The following GUCY2F variants were observed in gnomAD, a reference collection of about 807,000 sequenced individuals.
GUCY2F encodes retinal guanylyl cyclase 2.
A neutral mutation model predicts 73.1 loss-of-function variants in GUCY2F; 61 were observed. The observed-to-expected ratio is 0.83, with a 90% CI of 0.68 to 1.03. GUCY2F has a LOEUF of 1.03. Among genes scored for constraint, GUCY2F ranks in the 50% least tolerant of loss-of-function variants. GUCY2F has a pLI of 0.00. For missense variants in GUCY2F, 912 were observed against 854.3 expected (o/e 1.07, Z -0.84); for synonymous variants, 331 against 307.8 (o/e 1.08, Z -0.79).
At chrX:109,433,818 G>C (rs945771062) in intron 7 of GUCY2F, among the ~76,000 whole-genome samples, 2 of 110,889 alleles carry the variant, frequency 1.8e-5, no homozygotes, top group Non-Finnish European at 3.8e-5. Context: ...CTAGATCCTA[G>C]ACCTGGCCCT....
In GUCY2F at chrX:109,392,902, T is replaced by C; in HGVS notation, c.2578A>G (p.Met860Val). Residue 860 changes from methionine to valine, a missense_variant, in exon 13 of 20, where the codon ATG (methionine) becomes GTG (valine). By Grantham distance (21) the Met-to-Val change is conservative (BLOSUM62 1). Coordinates refer to ENST00000218006, the MANE Select transcript of GUCY2F (RefSeq NM_001522.3). ...KQKTEKLLTQMLPPSVAESLK... is the reference protein window; with the variant it reads ...KQKTEKLLTQVLPPSVAESLK... Reference sequence around the variant, plus strand: ...GGTGTTCTCACATACGGTGGTAGCATCTGTGTTAGAAGCTTTTCCGTTTTC... The same window carrying C: ...GGTGTTCTCACATACGGTGGTAGCACCTGTGTTAGAAGCTTTTCCGTTTTC... 3 of 1,172,967 alleles carry C rather than the reference T, an allele frequency of 2.6e-6. No individual in the cohort carries two copies. Among genetic ancestry groups the C allele is most frequent in the Non-Finnish European group, 3.5e-6 (3 of 861,053 alleles).
intron 13 of GUCY2F, among the ~76,000 whole-genome samples, chrX:109,392,531 A>G (rs1221759138): frequency 8.9e-6 from 1 of 112,539 alleles, no homozygotes; most frequent in East Asian, 2.8e-4. Context: ...TTTTCAGCTA[A>G]GAGAGGAAAG....
chrX:109,477,720 C>T (rs747237669), intron 1 of GUCY2F, among the ~76,000 whole-genome samples: 4 of 112,044 alleles, frequency 3.6e-5, no homozygotes, highest in African/African-American at 6.5e-5. Flanking sequence ...TGATAATCAG[C>T]GCTGGTGTGC....
intron 2 of GUCY2F, among the ~76,000 whole-genome samples, chrX:109,470,894 G>A (rs998492012): frequency 9.0e-6 from 1 of 111,548 alleles, no homozygotes; most frequent in African/African-American, 3.3e-5. Flanking sequence ...TTTTAGCTTC[G>A]GAAGTCTTAT....
chrX:109,429,332 T>G (rs1931559305), intron 8 of GUCY2F, among the ~76,000 whole-genome samples: 2 of 107,673 alleles, frequency 1.9e-5, no homozygotes, highest in African/African-American at 6.8e-5. Context: ...AGAATCGCCT[T>G]GAACCCAGGA....
At chrX:109,481,317 G>T (rs1932764400) in intron 1 of GUCY2F, among the ~76,000 whole-genome samples, 2 of 112,160 alleles carry the variant, frequency 1.8e-5, no homozygotes, top group Admixed American at 1.9e-4. Flanking sequence ...CATTGCCTAG[G>T]TTACTCAGGT....
chrX:109,451,669 A>G lies in GUCY2F; in HGVS notation c.1472+354T>C, dbSNP rs186269449. Among the ~76,000 whole-genome samples, 45 of 111,996 alleles carry G rather than the reference A, an allele frequency of 4.0e-4. No individual in the cohort carries two copies. The East Asian group carries it at 7.6e-3, about 19-fold the overall frequency. On this transcript the variant is annotated intron_variant, in intron 5 of 19. Transcript: ENST00000218006. ...TCTCAATTCCATTCCCTATCATCAC[A>G]TATCATTTGGGCAAGGAGATGGTTA...
intron 3 of GUCY2F, among the ~76,000 whole-genome samples, chrX:109,460,331 G>A (rs1457533092): frequency 1.8e-5 from 2 of 111,585 alleles, no homozygotes; most frequent in East Asian, 2.8e-4. Context: ...AAATTTCATA[G>A]CATCAGAAAT....
chrX:109,446,254 C>T (rs976812167), intron 6 of GUCY2F, among the ~76,000 whole-genome samples: 7 of 111,899 alleles, frequency 6.3e-5, no homozygotes, highest in African/African-American at 2.3e-4. Flanking sequence ...TGACTTTCTT[C>T]ACAGAATTGG....
chrX:109,410,868 G>A (rs1931092506), intron 8 of GUCY2F, among the ~76,000 whole-genome samples: 1 of 111,302 alleles, frequency 9.0e-6, no homozygotes, highest in African/African-American at 3.3e-5. Context: ...ACATTATGTG[G>A]AGAAAACCAC....
intron 2 of GUCY2F, among the ~76,000 whole-genome samples, chrX:109,469,943 C>T (rs1932541420): frequency 9.0e-6 from 1 of 111,692 alleles, no homozygotes; most frequent in South Asian, 3.8e-4. Flanking sequence ...ATACCCCACA[C>T]GTTTTTGGCC....
chrX:109,457,471 T>C (rs753971235), intron 3 of GUCY2F, among the ~76,000 whole-genome samples: 2 of 112,145 alleles, frequency 1.8e-5, no homozygotes. Flanking sequence ...CAAAGGATAA[T>C]TGAATTCTTG....
intron 12 of GUCY2F, 43 bp downstream of exon 12, chrX:109,395,298 T>C (rs1489404216): frequency 8.8e-7 from 1 of 1,140,942 alleles, no homozygotes; most frequent in East Asian, 3.0e-5. Flanking sequence ...GTAGGCTGAC[T>C]TCAGGAAGGC....
intron 8 of GUCY2F, among the ~76,000 whole-genome samples, chrX:109,414,107 G>A (rs946930073): frequency 1.8e-5 from 2 of 110,624 alleles, no homozygotes; most frequent in African/African-American, 6.6e-5. Context: ...AAATAGCTGG[G>A]ATTACTGATG....
intron 9 of GUCY2F, among the ~76,000 whole-genome samples, chrX:109,407,236 T>G (rs1041221593): frequency 8.9e-6 from 1 of 112,342 alleles, no homozygotes; most frequent in Non-Finnish European, 1.9e-5. Flanking sequence ...ACTCTTGTTA[T>G]GTTTTAGCAA....
chrX:109,375,897 C>T lies in GUCY2F; in HGVS notation c.*1+1G>A. On this transcript the variant is annotated splice_donor_variant, in intron 19 of 19. Transcript: ENST00000218006. LOFTEE classifies it low-confidence loss of function (3UTR_SPLICE). Reference sequence around the variant, plus strand: ...TGCTCTGTTTTCCTCCTGGCCATTACCTTATGGCTTGTTTCTCACCAACTG... The same window carrying T: ...TGCTCTGTTTTCCTCCTGGCCATTATCTTATGGCTTGTTTCTCACCAACTG... 1 of 1,196,478 alleles carries T rather than the reference C, an allele frequency of 8.4e-7. No individual in the cohort carries two copies. Among genetic ancestry groups the T allele is most frequent in the African/African-American group, 1.7e-5 (1 of 57,635 alleles).
rs761528108 is a variant in GUCY2F, at chrX:109,453,498, T to C, written c.1387+7A>G. On this transcript the variant is annotated splice_region_variant and intron_variant, in intron 4 of 19. Transcript: ENST00000218006. ...AAATTGACTACTAGTGATTTTGCAT[T>C]CCTTACCTCCATGGCAGATCTTCCC... 8.7e-7 allele frequency: 1 copy of C among 1,153,560 alleles called. No individual in the cohort carries two copies. The highest frequency in any genetic ancestry group is 1.2e-6 in the Non-Finnish European group (1 of 849,529).
At chrX:109,374,510 C>A (rs1288669988) in intron 19 of GUCY2F, among the ~76,000 whole-genome samples, 1 of 112,061 alleles carries the variant, frequency 8.9e-6, no homozygotes, top group African/African-American at 3.2e-5. Context: ...GTATTTTCTG[C>A]TGCAAACTCC....
At chrX:109,391,520 C>T (rs144259824) in intron 14 of GUCY2F, among the ~76,000 whole-genome samples, 376 of 111,746 alleles carry the variant, frequency 3.4e-3, no homozygotes, top group African/African-American at 0.011. Context: ...TAGCAGTCAC[C>T]ACCTATGGGC....
Sources: allele counts gnomAD v4.1 joint callset (sites outside exome capture counted in the v4.1 genomes callset), GRCh38; gene constraint gnomAD v4.1.1; transcripts MANE v1.5; gene names NCBI Gene and HGNC (gene_info 2026-07-23, HGNC 2026-07-21).